AACS: variants seen among roughly 807,000 people sequenced by gnomAD.
AACS encodes the protein acetoacetate-CoA ligase.
A neutral mutation model predicts 83.1 loss-of-function variants in AACS; 69 were observed. That is an observed-to-expected ratio of 0.83 (90% CI 0.68 to 1.01). The LOEUF (loss-of-function observed/expected upper bound fraction) is 1.01. Among genes scored for constraint, AACS ranks in the 50% least tolerant of loss-of-function variants. The pLI, the probability that AACS is intolerant of heterozygous loss-of-function variation, is 0.00. For missense variants in AACS, 866 were observed against 882.2 expected, an observed-to-expected ratio of 0.98 and a Z score of 0.23; for synonymous variants, 333 against 343.4, an observed-to-expected ratio of 0.97 and a Z score of 0.33.
Position 125,097,869 on chromosome 12 carries a change from C to T in AACS, c.571-4810C>T, listed in dbSNP as rs1166231418. Among the ~76,000 whole-genome samples, 2 of 152,176 alleles carry T rather than the reference C, an allele frequency of 1.3e-5. No homozygotes were observed. The highest frequency in any genetic ancestry group is 2.9e-5 in the Non-Finnish European group (2 of 68,036). ...ACTCCCTTCCCTACCGTTGGCTGTT[C>T]TTGCCGCCTCTCCACTGTCCTCCTT... is the stretch of plus-strand genomic sequence containing the variant. On this transcript the variant is annotated intron_variant, in intron 5 of 17. Transcript: ENST00000316519. The surrounding 1 kb of genome is among the most constrained non-coding windows in gnomAD (Gnocchi z 4.3).
At chr12:125,096,131 A>AT (rs1344895023) in intron 5 of AACS, among the ~76,000 whole-genome samples, 2 of 151,938 alleles carry the variant, frequency 1.3e-5, no homozygotes, top group African/African-American at 2.4e-5. Flanking sequence ...TATCCAGCTA[A>AT]TTTTTTGTAT....
At chr12:125,114,347 C>T in intron 8 of AACS, 130 bp from the exon 9 acceptor site, 1 of 678,364 alleles carries the variant, frequency 1.5e-6, no homozygotes, top group Non-Finnish European at 2.4e-6. Flanking sequence ...TCTGCTTCTC[C>T]CAGGAAAGAA....
chr12:125,086,136 G>A (rs1429388058), intron 3 of AACS, among the ~76,000 whole-genome samples, 194 bp from the exon 4 acceptor site: 2 of 152,104 alleles, frequency 1.3e-5, no homozygotes, highest in African/African-American at 2.4e-5. Flanking sequence ...GTATATGTTC[G>A]GCTGACTCTT....
intron 9 of AACS, among the ~76,000 whole-genome samples, chr12:125,115,314 G>A (rs1957035621): frequency 6.7e-6 from 1 of 149,432 alleles, no homozygotes; most frequent in African/African-American, 2.5e-5. Flanking sequence ...AGGCTGGAGT[G>A]CAGTGACTGG....
At position 125,118,698 on chromosome 12, in the gene AACS, G is replaced by T. The variant is rs1957102173; in HGVS notation, c.1054G>T (p.Val352Phe). The T allele has an allele frequency of 6.2e-7, 1 of 1,614,030 alleles. No homozygotes were observed. The highest frequency in any genetic ancestry group is 1.3e-5 in the African/African-American group (1 of 74,938). ...VSLLATGAAM[V>F]LYDGSPLVPT... ...CCTTCTGGCCACAGGAGCGGCCATG[G>T]TCTTGTACGATGGCTCCCCCCTGGT... Residue 352 changes from valine (V) to phenylalanine (F), a missense_variant, in exon 10 of 18, where the codon GTC becomes TTC. Physicochemically the swap from Val to Phe is conservative, Grantham distance 50. Coordinates refer to ENST00000316519, the MANE Select transcript of AACS (RefSeq NM_023928.5).
Position 125,097,170 on chromosome 12 carries a change from A to C in AACS, c.571-5509A>C, listed in dbSNP as rs1009913839. Among the ~76,000 whole-genome samples the C allele has an allele frequency of 6.6e-6, 1 of 150,542 alleles. No individual in the cohort carries two copies. Among genetic ancestry groups the C allele is most frequent in the South Asian group, 2.1e-4 (1 of 4,758 alleles). ...TGCAGACTCGGCCTGTTGCTGCTGG[A>C]CTCCTGGGGGGCACCATTTTGGGGC... is the stretch of plus-strand genomic sequence containing the variant. On this transcript the variant is annotated intron_variant, in intron 5 of 17. Transcript: ENST00000316519. This position sits in a 1 kb window ranked among gnomAD's most constrained non-coding sequence, Gnocchi z 4.3.
chr12:125,141,998 G>C (rs1957503553), intron 17 of AACS, 94 bp from the exon 18 acceptor site: 2 of 1,514,654 alleles, frequency 1.3e-6, no homozygotes, highest in South Asian at 2.5e-5. Flanking sequence ...CACTCCAGGT[G>C]GAGCTGGGCC....
rs529233010 is a variant in AACS at position 125,097,266 on chromosome 12, A to C, written c.571-5413A>C. Among the ~76,000 whole-genome samples the C allele has an allele frequency of 8.6e-4, 131 of 152,104 alleles. 2 individuals are homozygous for C. Among genetic ancestry groups the C allele is most frequent in the South Asian group, 4.1e-3 (20 of 4,820 alleles). On this transcript the variant is annotated intron_variant, in intron 5 of 17. Coordinates refer to ENST00000316519, the MANE Select transcript of AACS (RefSeq NM_023928.5). This position sits in a 1 kb window ranked among gnomAD's most constrained non-coding sequence, Gnocchi z 4.3. The stretch of plus-strand genomic sequence containing the variant: ...TAGTAGGAAATAGTCTTTGTCCACC[A>C]AGGACGTCACTGAGGAAGGGGTACC...
chr12:125,083,115 C>G (rs1226324549), intron 3 of AACS, among the ~76,000 whole-genome samples: 1 of 152,196 alleles, frequency 6.6e-6, no homozygotes, highest in South Asian at 2.1e-4. Context: ...GCTGGGTGAT[C>G]ACTCATCAAG....
intron 4 of AACS, among the ~76,000 whole-genome samples, chr12:125,090,833 A>G (rs1956467256): frequency 6.6e-6 from 1 of 152,284 alleles, no homozygotes; most frequent in African/African-American, 2.4e-5. Flanking sequence ...GCAAAGTCCC[A>G]GCCCTCATGT....
At chr12:125,121,613 T>C (rs886119027) in intron 10 of AACS, 1 of 152,252 alleles carries the variant, frequency 6.6e-6, no homozygotes, top group Non-Finnish European at 1.5e-5. Context: ...TTCTGGGTTC[T>C]AGTGAGGGGA....
rs868821287 is a variant in AACS, at chr12:125,100,067, G to A, written c.571-2612G>A. On this transcript the variant is annotated intron_variant, in intron 5 of 17. Transcript: ENST00000316519. The stretch of plus-strand genomic sequence containing the variant: ...GTCTTTCTCTGTTGCCCAGGCTGGA[G>A]TACAGTGCTGCGAACACAGTTCACT... Among the ~76,000 whole-genome samples, 3 of 152,236 alleles carry A rather than the reference G, an allele frequency of 2.0e-5. No individual in the cohort carries two copies. The South Asian group carries it at 6.2e-4, about 32-fold the overall frequency.
At chr12:125,117,773 G>A (rs553692216) in intron 9 of AACS, 24 of 152,330 alleles carry the variant, frequency 1.6e-4, no homozygotes, top group African/African-American at 5.3e-4. Context: ...ATCCCTTGAG[G>A]CCAGGAGTTC....
At chr12:125,071,940 C>T (rs1955876749) in intron 1 of AACS, among the ~76,000 whole-genome samples, 1 of 152,144 alleles carries the variant, frequency 6.6e-6, no homozygotes, top group Non-Finnish European at 1.5e-5. Context: ...TCACTGCAAC[C>T]TCTACCTCCT....
At chr12:125,099,161 G>T (rs890587052) in intron 5 of AACS, among the ~76,000 whole-genome samples, 1 of 152,224 alleles carries the variant, frequency 6.6e-6, no homozygotes. Flanking sequence ...AGATAATCAT[G>T]CGATTTCCCC....
At position 125,129,702 on chromosome 12, in the gene AACS, C is replaced by G. The variant is rs1188701252; in HGVS notation, c.1549+242C>G. ...TTAGTTGAATCTCAGCCACCTCTGC[C>G]CAGAGCCTCTTGGCCCCAGCCCCTG... On this transcript the variant is annotated intron_variant, in intron 14 of 17. Coordinates refer to ENST00000316519, the MANE Select transcript of AACS (RefSeq NM_023928.5). The surrounding 1 kb of genome is among the most constrained non-coding windows in gnomAD (Gnocchi z 4.3). Among the ~76,000 whole-genome samples, 2 of 152,174 alleles carry G rather than the reference C, an allele frequency of 1.3e-5. No individual in the cohort carries two copies. The highest frequency in any genetic ancestry group is 2.9e-5 in the Non-Finnish European group (2 of 68,034).
At chr12:125,088,925 TA>T (rs1187706059) in intron 4 of AACS, among the ~76,000 whole-genome samples, 1 of 152,172 alleles carries the variant, frequency 6.6e-6, no homozygotes, top group Non-Finnish European at 1.5e-5. Context: ...AGAAAATGAT[TA>T]AAATGGGGTT....
intron 1 of AACS, among the ~76,000 whole-genome samples, chr12:125,065,993 G>T (rs2136019986): frequency 6.6e-6 from 1 of 152,346 alleles, no homozygotes; most frequent in African/African-American, 2.4e-5. Context: ...GCTGCCTGTT[G>T]ACCGTGTGAC....
chr12:125,109,873 G>A (rs1956914487), intron 8 of AACS, among the ~76,000 whole-genome samples: 1 of 152,186 alleles, frequency 6.6e-6, no homozygotes, highest in Non-Finnish European at 1.5e-5. Flanking sequence ...TTAGGTCCAG[G>A]TGATGCAGCT....
Sources: allele counts gnomAD v4.1 joint callset (sites outside exome capture counted in the v4.1 genomes callset), GRCh38; gene constraint gnomAD v4.1.1; non-coding constraint Gnocchi (gnomAD v3.1); transcripts MANE v1.5; gene names NCBI Gene and HGNC (gene_info 2026-07-23, HGNC 2026-07-21).